Variants in ADGRL3 observed in about 807,000 individuals in gnomAD.
ADGRL3 encodes the protein adhesion G protein-coupled receptor L3, also known as calcium-independent alpha-latrotoxin receptor 3.
In ADGRL3, 62 loss-of-function variants were observed where a neutral mutation model predicts 153.5. The observed-to-expected ratio is 0.40, with a 90% CI of 0.33 to 0.50. The LOEUF is 0.50. Among genes scored for constraint, ADGRL3 ranks in the 20% least tolerant of loss-of-function variants. The pLI is 0.47. For synonymous variants in ADGRL3, 710 were observed against 672.5 expected (o/e 1.06, Z -0.86); for missense variants, 1,641 against 1,859.4 (o/e 0.88, Z 2.16).
intron 8 of ADGRL3, among the ~76,000 whole-genome samples, chr4:61,789,513 ACTTTTT>A (rs1292746447): frequency 1.3e-5 from 2 of 152,118 alleles, no homozygotes; most frequent in Admixed American, 1.3e-4. Context: ...TTTAAGATTT[ACTTTTT>A]CTTTAAAATA....
chr4:61,479,232 C>T (rs1289993543), intron 2 of ADGRL3, among the ~76,000 whole-genome samples: 1 of 151,712 alleles, frequency 6.6e-6, no homozygotes, highest in East Asian at 1.9e-4. Context: ...TTATATAATC[C>T]CTGAGTATAA....
intron 5 of ADGRL3, among the ~76,000 whole-genome samples, chr4:61,670,437 A>G (rs557360371): frequency 3.3e-5 from 5 of 152,292 alleles, no homozygotes; most frequent in Admixed American, 2.0e-4. Flanking sequence ...TGCTTCACAC[A>G]CAAGTATGTT....
intron 2 of ADGRL3, among the ~76,000 whole-genome samples, chr4:61,417,979 T>G (rs1025536094): frequency 6.6e-6 from 1 of 152,138 alleles, no homozygotes. Context: ...TGGTCTAAAT[T>G]GCTTAAATAC....
At chr4:61,736,738 T>C (rs1038386156) in intron 8 of ADGRL3, among the ~76,000 whole-genome samples, 2 of 152,168 alleles carry the variant, frequency 1.3e-5, no homozygotes, top group African/African-American at 4.8e-5. Flanking sequence ...TTAAAATGAA[T>C]TCGTAACTTA....
chr4:61,855,588 A>G (rs987737885), intron 9 of ADGRL3, among the ~76,000 whole-genome samples: 1 of 152,152 alleles, frequency 6.6e-6, no homozygotes, highest in African/African-American at 2.4e-5. Context: ...GATTATAGAA[A>G]ATATCAAGAG....
Position 61,938,347 on chromosome 4 carries a change from C to T in ADGRL3, c.2419+2302C>T, listed in dbSNP as rs1021235588. Among the ~76,000 whole-genome samples, 16 of 152,134 alleles carry T rather than the reference C, an allele frequency of 1.1e-4. 1 individual carries two copies. Among genetic ancestry groups the T allele is most frequent in the African/African-American group, 3.6e-4 (15 of 41,416 alleles). On this transcript the variant is annotated intron_variant, in intron 15 of 26. Transcript: ENST00000683033. The stretch of plus-strand genomic sequence containing the variant: ...AGAACAAAATTAAATTATGTTATAA[C>T]AGATAAGTCTTTAGTGAATTACTAT...
rs75889564 is a variant in ADGRL3 at position 61,688,933 on chromosome 4, T to A, written c.583+11998T>A. The stretch of plus-strand genomic sequence containing the variant: ...AACCCCAGGTGATAGCTAAAATACA[T>A]CAGACAAATTTTCTTGTTTAGTTAT... On this transcript the variant is annotated intron_variant, in intron 6 of 26. Coordinates refer to ENST00000683033, the MANE Select transcript of ADGRL3 (RefSeq NM_001387552.1). Among the ~76,000 whole-genome samples, 691 of 152,288 alleles carry A rather than the reference T, an allele frequency of 4.5e-3. 2 individuals are homozygous for A. The highest frequency in any genetic ancestry group is 0.015 in the African/African-American group (629 of 41,576).
chr4:61,721,651 ACACT>A (rs2096245977), intron 6 of ADGRL3, among the ~76,000 whole-genome samples: 1 of 152,192 alleles, frequency 6.6e-6, no homozygotes, highest in Non-Finnish European at 1.5e-5. Flanking sequence ...AATCAAGTTG[ACACT>A]CAGTGCTAAC....
rs2098727011 is a variant in ADGRL3 at position 61,912,644 on chromosome 4, T to C, written c.2074-75T>C. 2.6e-5 allele frequency: 35 copies of C among 1,340,884 alleles called. No individual in the cohort carries two copies. The South Asian group carries it at 3.9e-4, about 15-fold the overall frequency. 83.1% of individuals were successfully genotyped at this position (1,340,884 alleles called of 1,614,324 possible). Reference sequence around the variant, plus strand: ...GGTGTTTTGTGTAGATGTGTTCTTTTATTTTTCTTGTTTTCTTCTGTCACT... The same window carrying C: ...GGTGTTTTGTGTAGATGTGTTCTTTCATTTTTCTTGTTTTCTTCTGTCACT... On this transcript the variant is annotated intron_variant, in intron 12 of 26. Coordinates refer to ENST00000683033, the MANE Select transcript of ADGRL3 (RefSeq NM_001387552.1).
At chr4:61,732,573 A>C (rs61483832) in intron 7 of ADGRL3, among the ~76,000 whole-genome samples, 181 bp from the exon 8 acceptor site, 3,248 of 152,246 alleles carry the variant, frequency 0.021, 75 homozygotes, top group East Asian at 0.079. Flanking sequence ...AATCAAAATG[A>C]TTTTGAAATG....
chr4:62,014,058 TG>T (rs2099200134), intron 21 of ADGRL3, among the ~76,000 whole-genome samples: 1 of 151,952 alleles, frequency 6.6e-6, no homozygotes. Flanking sequence ...GAACATGAAT[TG>T]GGTGATAATG....
chr4:61,401,829 T>C (rs1270212768), intron 2 of ADGRL3, among the ~76,000 whole-genome samples: 1 of 152,076 alleles, frequency 6.6e-6, no homozygotes, highest in African/African-American at 2.4e-5. Flanking sequence ...CTCTTAGGCA[T>C]ATTTGAATGC....
At chr4:61,526,927 A>G (rs1457461042) in intron 4 of ADGRL3, among the ~76,000 whole-genome samples, 1 of 152,138 alleles carries the variant, frequency 6.6e-6, no homozygotes, top group Non-Finnish European at 1.5e-5. Context: ...CAAAGTGAAG[A>G]CTTTAAAAAA....
At chr4:61,608,311 T>C (rs992734673) in intron 5 of ADGRL3, among the ~76,000 whole-genome samples, 1 of 152,210 alleles carries the variant, frequency 6.6e-6, no homozygotes, top group Non-Finnish European at 1.5e-5. Flanking sequence ...GTTCTTCCAT[T>C]GATCAAGTTA....
chr4:61,715,434 G>A (rs2096088172), intron 6 of ADGRL3, among the ~76,000 whole-genome samples: 1 of 152,124 alleles, frequency 6.6e-6, no homozygotes, highest in Non-Finnish European at 1.5e-5. Flanking sequence ...AGATATAGGA[G>A]AATCATATTT....
rs148644099 is a variant in ADGRL3, at chr4:61,274,994, G to C, written c.-240+73229G>C. ...TTTGCCACTAACTAGTTTTTTGTTT[G>C]TATGTTTGTTTACCTTGGGAAAGTC... On this transcript the variant is annotated intron_variant, in intron 1 of 26. Coordinates refer to ENST00000683033, the MANE Select transcript of ADGRL3 (RefSeq NM_001387552.1). Among the ~76,000 whole-genome samples, 553 of 152,208 alleles carry C rather than the reference G, an allele frequency of 3.6e-3. 3 individuals are homozygous for C. Among genetic ancestry groups the C allele is most frequent in the African/African-American group, 0.012 (513 of 41,540 alleles).
intron 2 of ADGRL3, among the ~76,000 whole-genome samples, chr4:61,480,659 T>A (rs1236817655): frequency 1.3e-5 from 2 of 151,914 alleles, no homozygotes; most frequent in Non-Finnish European, 2.9e-5. Flanking sequence ...TTCGGGTGCC[T>A]ATAAGCCCAG....
At chr4:61,978,691 A>G (rs530874239) in intron 17 of ADGRL3, among the ~76,000 whole-genome samples, 1 of 152,160 alleles carries the variant, frequency 6.6e-6, no homozygotes, top group Non-Finnish European at 1.5e-5. Context: ...AAATGAAGTA[A>G]TTGACAACCA....
chr4:61,220,819 A>G (rs1484279036), intron 1 of ADGRL3, among the ~76,000 whole-genome samples: 1 of 152,214 alleles, frequency 6.6e-6, no homozygotes, highest in Non-Finnish European at 1.5e-5. Context: ...CGTGAGATAC[A>G]AATGGAAGCC....
Sources: allele counts gnomAD v4.1 joint callset (sites outside exome capture counted in the v4.1 genomes callset), GRCh38; gene constraint gnomAD v4.1.1; transcripts MANE v1.5; gene names NCBI Gene and HGNC (gene_info 2026-07-23, HGNC 2026-07-21).